The following MYOM1 variants were observed in gnomAD, a reference collection of about 807,000 sequenced individuals.
MYOM1 encodes myomesin-1.
MYOM1 carries 164 observed loss-of-function variants against 205.3 expected under a neutral mutation model. The ratio of observed to expected loss-of-function variants is 0.80; its 90% CI spans 0.70 to 0.91. MYOM1 has a LOEUF of 0.91. MYOM1 is among the 40% of genes least tolerant of loss of function. The pLI is 0.00. For synonymous variants in MYOM1, 772 were observed against 789.4 expected (o/e 0.98, Z 0.37); for missense variants, 2,011 against 2,127.3 (o/e 0.95, Z 1.08).
chr18:3,120,604 C>T (rs1191581859), intron 19 of MYOM1, among the ~76,000 whole-genome samples: 8 of 152,142 alleles, frequency 5.3e-5, no homozygotes, highest in African/African-American at 1.4e-4. Flanking sequence ...CCTGCAACGC[C>T]GTGCGCAGAC....
At position 3,187,857 on chromosome 18, in the gene MYOM1, CTTTTTTT is replaced by C. The variant is rs763218658; in HGVS notation, c.772-227_772-221del. On this transcript the variant is annotated intron_variant, in intron 4 of 37. Transcript: ENST00000356443. ...TAAGCAACATCTTTGATTTCTTTTTCTTTTTTTTTTTTTTTTTTTTGGCCCGGACTGG... is the reference window on the plus strand; with the variant it reads ...TAAGCAACATCTTTGATTTCTTTTTCTTTTTTTTTTTTTGGCCCGGACTGG... 5.2e-3 allele frequency among the ~76,000 whole-genome samples: 652 copies of C among 124,222 alleles called. 3 individuals are homozygous for C. The highest frequency in any genetic ancestry group is 0.026 in the Middle Eastern group (6 of 232). The allele number at this position is 124,222 out of a possible 152,430, so 81.5% of individuals were successfully genotyped here. A position where few individuals can be genotyped will look rare whatever the true frequency, so the allele number is the denominator to read the frequency against.
At chr18:3,104,150 A>G (rs1425599516) in intron 22 of MYOM1, among the ~76,000 whole-genome samples, 1 of 152,132 alleles carries the variant, frequency 6.6e-6, no homozygotes, top group African/African-American at 2.4e-5. Flanking sequence ...TTCACACTCT[A>G]TTTTCGTATA....
chr18:3,244,026 A>G, the MYOM1 span, among the ~76,000 whole-genome samples: 1 of 152,158 alleles, frequency 6.6e-6, no homozygotes, highest in East Asian at 1.9e-4. Flanking sequence ...TGAGTTTCCA[A>G]ATGATTAGTG....
intron 30 of MYOM1, 53 bp from the exon 31 acceptor site, chr18:3,085,185 T>C (rs987606131): frequency 4.4e-5 from 47 of 1,057,072 alleles, no homozygotes; most frequent in Non-Finnish European, 6.6e-6. Context: ...CAGGGCACGG[T>C]ATCTGTGATT....
At chr18:3,201,356 G>A (rs1193734305) in intron 2 of MYOM1, among the ~76,000 whole-genome samples, 1 of 151,626 alleles carries the variant, frequency 6.6e-6, no homozygotes, top group Non-Finnish European at 1.5e-5. Context: ...CCAAGATCGT[G>A]CCACACTGCA....
At chr18:3,188,585 C>T (rs374338342) in intron 4 of MYOM1, among the ~76,000 whole-genome samples, 163 bp downstream of exon 4, 8 of 151,548 alleles carry the variant, frequency 5.3e-5, no homozygotes, top group African/African-American at 1.9e-4. Context: ...GCTGAGACTG[C>T]GCCACTGCAC....
the MYOM1 span, among the ~76,000 whole-genome samples, chr18:3,225,326 T>C: frequency 6.6e-6 from 1 of 152,192 alleles, no homozygotes; most frequent in African/African-American, 2.4e-5. Flanking sequence ...CCCATACTTC[T>C]CTCTCTTCTC....
intron 22 of MYOM1, among the ~76,000 whole-genome samples, chr18:3,103,430 C>T (rs983656432): frequency 2.0e-5 from 3 of 152,118 alleles, no homozygotes; most frequent in African/African-American, 7.2e-5. Flanking sequence ...TAATAAATTG[C>T]ACCTGCACCT....
At position 3,135,698 on chromosome 18, in the gene MYOM1, C is replaced by T. The variant is rs974340165; in HGVS notation, c.2058G>A (p.Val686=). ...CEAGTENWQR[V]NTELPVKSPR... ...GAGACTTCACAGGGAGCTCCGTGTT[C>T]ACTCGCTGCCAGTTTTCTGTTCCTG... The change falls in exon 15 of 38, where the codon GTG becomes GTA. Residue 686 remains valine, a synonymous_variant. Coordinates refer to ENST00000356443, the MANE Select transcript of MYOM1 (RefSeq NM_003803.4). This position sits in a 1 kb window ranked among gnomAD's most constrained non-coding sequence, Gnocchi z 4.1. 2 of 1,613,788 alleles carry T rather than the reference C, an allele frequency of 1.2e-6. No individual in the cohort carries two copies. Among genetic ancestry groups the T allele is most frequent in the African/African-American group, 2.7e-5 (2 of 74,888 alleles).
intron 3 of MYOM1, among the ~76,000 whole-genome samples, chr18:3,192,083 C>T (rs986539266): frequency 1.3e-5 from 2 of 152,104 alleles, no homozygotes; most frequent in African/African-American, 4.8e-5. Flanking sequence ...GTGGACAGAG[C>T]AGGGAGAAGA....
intron 33 of MYOM1, among the ~76,000 whole-genome samples, chr18:3,083,408 CTTTTTTCTTTTTCTTTTTCTTTTTTT>C (rs2079108409): frequency 7.3e-6 from 1 of 137,832 alleles, no homozygotes; most frequent in South Asian, 2.3e-4. Flanking sequence ...TCTTTCTTTT[CTTTTTTCTTTTTCTTTTTCTTTTTTT>C]TTTTTTTTTT....
intron 16 of MYOM1, 64 bp downstream of exon 16, chr18:3,134,586 G>A: frequency 1.4e-6 from 2 of 1,481,160 alleles, no homozygotes; most frequent in South Asian, 1.4e-5. Context: ...GGATGTCTGT[G>A]TGCCGTATGT....
intron 4 of MYOM1, among the ~76,000 whole-genome samples, chr18:3,188,456 G>GA (rs912918358): frequency 4.9e-4 from 70 of 143,338 alleles, no homozygotes; most frequent in East Asian, 6.2e-4. Flanking sequence ...ACCTCTACCA[G>GA]AAAAAAAAAA....
rs876657918 is a variant in MYOM1, at chr18:3,079,241, T to C, written c.4586A>G (p.Tyr1529Cys). The change falls in exon 34 of 38, where the codon TAT (tyrosine) becomes TGT (cysteine). Residue 1529 changes from tyrosine to cysteine, a missense_variant. By Grantham distance (194) the Tyr-to-Cys change is radical. Transcript: ENST00000356443. ...NEPTPNDKGK[Y>C]VMELFDGKTG... is the part of the protein sequence containing the mutation. The stretch of plus-strand genomic sequence containing the variant: ...TTTGCCATCAAAGAGCTCCATGACA[T>C]ACTTCCCTTTGTCATTCGGGGTGGG... The C allele has an allele frequency of 4.3e-6, 7 of 1,613,834 alleles. No individual in the cohort carries two copies. The highest frequency in any genetic ancestry group is 1.7e-5 in the Admixed American group (1 of 59,990).
intron 14 of MYOM1, among the ~76,000 whole-genome samples, chr18:3,140,534 T>G (rs1454081044): frequency 2.0e-5 from 3 of 152,228 alleles, no homozygotes; most frequent in African/African-American, 7.2e-5. Flanking sequence ...ATATTGCATG[T>G]AGAGGAGATA....
At chr18:3,229,889 T>C in the MYOM1 span, among the ~76,000 whole-genome samples, 7 of 141,266 alleles carry the variant, frequency 5.0e-5, no homozygotes, top group Non-Finnish European at 1.0e-4. Flanking sequence ...GAATGGAGAA[T>C]CAGTTGAACC....
In MYOM1 at chr18:3,111,947, A is replaced by C. The variant is rs147134974; in HGVS notation, c.3418+351T>G. On this transcript the variant is annotated intron_variant, in intron 22 of 37. Coordinates refer to ENST00000356443, the MANE Select transcript of MYOM1 (RefSeq NM_003803.4). The stretch of plus-strand genomic sequence containing the variant: ...CTGGGCTGTTCTAGCTTCCCCTATG[A>C]TTGGGAAAATATTCTTATGAGACTT... Among the ~76,000 whole-genome samples, 190 of 152,272 alleles carry C rather than the reference A, an allele frequency of 1.2e-3. 2 individuals carry two copies. The Middle Eastern group carries it at 0.02, about 16-fold the overall frequency.
In MYOM1 at chr18:3,116,377, T is replaced by A; in HGVS notation, c.3257A>T (p.Gln1086Leu). 1 of 1,613,216 alleles carries A rather than the reference T, an allele frequency of 6.2e-7. No homozygotes were observed. The highest frequency in any genetic ancestry group is 8.5e-7 in the Non-Finnish European group (1 of 1,179,802). ...DLKEAKAKED[Q>L]WRGLNEAAIK... is the part of the protein sequence containing the mutation. ...AGCCGCCTCATTGAGCCCTCGCCAC[T>A]GGTCTTCTTTGGCCTTGGCCTCCTT... Residue 1086 changes from glutamine to leucine, a missense_variant, in exon 21 of 38, where the codon CAG becomes CTG. Gln to Leu is a moderately radical substitution (Grantham distance 113). Transcript: ENST00000356443.
chr18:3,159,072 G>A (rs9946790), intron 10 of MYOM1, among the ~76,000 whole-genome samples: 10,170 of 151,428 alleles, frequency 0.067, 613 homozygotes, highest in African/African-American at 0.16. Flanking sequence ...GAAACAGAGT[G>A]TGAAAAAAAA....
Sources: allele counts gnomAD v4.1 joint callset (sites outside exome capture counted in the v4.1 genomes callset), GRCh38; gene constraint gnomAD v4.1.1; non-coding constraint Gnocchi (gnomAD v3.1); transcripts MANE v1.5; gene names NCBI Gene and HGNC (gene_info 2026-07-23, HGNC 2026-07-21).